Variants in CYB5RL observed in about 807,000 individuals in gnomAD.
CYB5RL encodes the protein cytochrome b5 reductase like, also known as NADH-cytochrome b5 reductase-like.
In CYB5RL, 38 loss-of-function variants were observed where a neutral mutation model predicts 37.5. The ratio of observed to expected loss-of-function variants is 1.01; its 90% CI spans 0.78 to 1.33. CYB5RL has a LOEUF of 1.33. CYB5RL is among the 40% of genes most tolerant of loss of function. CYB5RL has a pLI of 0.00. For missense variants in CYB5RL, 388 were observed against 394.4 expected (o/e 0.98, Z 0.14); for synonymous variants, 141 against 151.9 (o/e 0.93, Z 0.53).
intron 3 of CYB5RL, among the ~76,000 whole-genome samples, chr1:54,192,416 C>G (rs1479729604): frequency 6.6e-6 from 1 of 152,026 alleles, no homozygotes; most frequent in African/African-American, 2.4e-5. Context: ...AACTCCTGAC[C>G]TCAGGTGATC....
chr1:54,188,606 A>G (rs1362857168), intron 4 of CYB5RL, among the ~76,000 whole-genome samples: 1 of 152,224 alleles, frequency 6.6e-6, no homozygotes, highest in Non-Finnish European at 1.5e-5. Flanking sequence ...ACATGTATCA[A>G]GCATTTCATA....
At position 54,169,883 on chromosome 1, in the gene CYB5RL, G is replaced by C. The variant is rs1222080278; in HGVS notation, c.*4736C>G. The C allele has an allele frequency of 2.0e-5, 3 of 152,250 alleles. No individual in the cohort carries two copies. The highest frequency in any genetic ancestry group is 3.9e-4 in the East Asian group (2 of 5,186). The allele number at this position is 152,250 out of a possible 1,614,324, so 9.4% of individuals were successfully genotyped here. On this transcript the variant is annotated 3_prime_UTR_variant, in exon 8 of 8. Transcript: ENST00000534324. ...CAGGCCACCACTATCCTTGAAGCTGGTGTGTCTCTGTCTCTTCCTGAGCAT... is the reference window on the plus strand; with the variant it reads ...CAGGCCACCACTATCCTTGAAGCTGCTGTGTCTCTGTCTCTTCCTGAGCAT...
At chr1:54,180,203 C>G (rs1660122576) in intron 6 of CYB5RL, 4 of 405,924 alleles carry the variant, frequency 9.9e-6, no homozygotes, top group South Asian at 7.4e-5. Flanking sequence ...TGCCACTGCA[C>G]TCCAGCCTGG....
At chr1:54,176,604 T>C (rs936955041) in intron 7 of CYB5RL, among the ~76,000 whole-genome samples, 1 of 152,214 alleles carries the variant, frequency 6.6e-6, no homozygotes, top group Non-Finnish European at 1.5e-5. Context: ...TCCTCTCTGA[T>C]GATCTGGCAT....
Position 54,174,920 on chromosome 1 carries a change from A to T in CYB5RL, c.745-98T>A. ...CTCTGCAAAATGAGGAAACCAAGGC[A>T]GAGGGTGTAGGAAGCCAACCTATAT... On this transcript the variant is annotated intron_variant, in intron 7 of 7. Transcript: ENST00000534324. 4 of 1,342,764 alleles carry T rather than the reference A, an allele frequency of 3.0e-6. 1 individual carries two copies. The Admixed American group carries it at 8.0e-5, about 27-fold the overall frequency. 83.2% of individuals were successfully genotyped at this position (1,342,764 alleles called of 1,614,324 possible). A position where few individuals can be genotyped will look rare whatever the true frequency, so the allele number is the denominator to read the frequency against.
chr1:54,197,940 A>C (rs997685549), intron 1 of CYB5RL, among the ~76,000 whole-genome samples: 2 of 145,440 alleles, frequency 1.4e-5, no homozygotes, highest in South Asian at 4.5e-4. Flanking sequence ...AGGCAGGAGA[A>C]TGGCGTGAAC....
In CYB5RL at chr1:54,181,721, G is replaced by A. The variant is rs911308612; in HGVS notation, c.541-2369C>T. Among the ~76,000 whole-genome samples, 17 of 152,356 alleles carry A rather than the reference G, an allele frequency of 1.1e-4. 1 individual carries two copies. The highest frequency in any genetic ancestry group is 4.1e-4 in the African/African-American group (17 of 41,584). On this transcript the variant is annotated intron_variant, in intron 6 of 7. Coordinates refer to ENST00000534324, the MANE Select transcript of CYB5RL (RefSeq NM_001031672.4). ...AATCCCAGCACTTTGGGAGGCTGAC[G>A]TGGGAGGATCACTTGAGCCAAGGAG...
intron 4 of CYB5RL, 159 bp downstream of exon 4, chr1:54,190,589 G>T: frequency 1.2e-6 from 1 of 861,482 alleles, no homozygotes; most frequent in Non-Finnish European, 1.8e-6. Context: ...GCATTATCTA[G>T]TTCAATCCCA....
intron 7 of CYB5RL, among the ~76,000 whole-genome samples, chr1:54,177,197 C>T (rs556450897): frequency 2.6e-5 from 4 of 152,210 alleles, no homozygotes; most frequent in African/African-American, 9.6e-5. Flanking sequence ...CTGCAGGAGG[C>T]AGGACAAATC....
At chr1:54,188,477 T>A (rs1643922078) in intron 4 of CYB5RL, among the ~76,000 whole-genome samples, 1 of 152,198 alleles carries the variant, frequency 6.6e-6, no homozygotes, top group African/African-American at 2.4e-5. Context: ...ACTGGAAGGA[T>A]CCTCAAAGGG....
intron 3 of CYB5RL, among the ~76,000 whole-genome samples, chr1:54,192,848 T>C (rs919328262): frequency 3.3e-5 from 5 of 151,868 alleles, no homozygotes; most frequent in African/African-American, 1.2e-4. Flanking sequence ...CTCCACCTCC[T>C]GGTTCAAACA....
chr1:54,183,302 G>A (rs1048591557), intron 6 of CYB5RL, among the ~76,000 whole-genome samples: 15 of 152,168 alleles, frequency 9.9e-5, no homozygotes, highest in African/African-American at 3.4e-4. Flanking sequence ...ATGAACATAC[G>A]CAGAAGAGCC....
At chr1:54,182,709 C>T (rs1477121519) in intron 6 of CYB5RL, among the ~76,000 whole-genome samples, 1 of 152,148 alleles carries the variant, frequency 6.6e-6, no homozygotes, top group Non-Finnish European at 1.5e-5. Context: ...GCCACCATGC[C>T]TGGCTAGTAT....
chr1:54,194,968 G>A (rs1300480587), intron 3 of CYB5RL, among the ~76,000 whole-genome samples: 1 of 152,234 alleles, frequency 6.6e-6, no homozygotes, highest in East Asian at 1.9e-4. Context: ...TAAGGAGGAA[G>A]AAGTCAGTAA....
intron 4 of CYB5RL, among the ~76,000 whole-genome samples, chr1:54,188,178 A>G (rs1305964062): frequency 6.6e-6 from 1 of 152,226 alleles, no homozygotes; most frequent in African/African-American, 2.4e-5. Context: ...ACAGAAAAAA[A>G]AGAGTACTGG....
In CYB5RL at chr1:54,184,154, C is replaced by A. The variant is rs767529139; in HGVS notation, c.540+7G>T. On this transcript the variant is annotated splice_region_variant and intron_variant, in intron 6 of 7. Transcript: ENST00000534324. ...ATCTCCTGAAGATTTAAGGTGCTGG[C>A]ACTGACCTGGTTTGGTTTATAGAAG... 5 of 1,610,930 alleles carry A rather than the reference C, an allele frequency of 3.1e-6. No individual in the cohort carries two copies. The African/African-American group carries it at 4.0e-5, about 13-fold the overall frequency.
chr1:54,170,799 T>C lies in CYB5RL; in HGVS notation c.*3820A>G. 1 of 314,970 alleles carries C rather than the reference T, an allele frequency of 3.2e-6. No individual in the cohort carries two copies. The highest frequency in any genetic ancestry group is 6.3e-6 in the Non-Finnish European group (1 of 159,046). 19.5% of individuals were successfully genotyped at this position (314,970 alleles called of 1,614,324 possible). A position where few individuals can be genotyped will look rare whatever the true frequency, so the allele number is the denominator to read the frequency against. ...TCACATGCTGGAACTTGTGTATCCC[T>C]ACATGACCTTGGAAAATCGCTTGAA... is the stretch of plus-strand genomic sequence containing the variant. On this transcript the variant is annotated 3_prime_UTR_variant, in exon 8 of 8. Coordinates refer to ENST00000534324, the MANE Select transcript of CYB5RL (RefSeq NM_001031672.4).
intron 6 of CYB5RL, among the ~76,000 whole-genome samples, chr1:54,182,458 A>G (rs1557720473): frequency 6.6e-6 from 1 of 151,718 alleles, no homozygotes; most frequent in Middle Eastern, 3.4e-3. Context: ...AATGCCTGTG[A>G]GTGTTTTTTC....
At chr1:54,199,713 T>C (rs1570132139) in intron 1 of CYB5RL, among the ~76,000 whole-genome samples, 1 of 151,910 alleles carries the variant, frequency 6.6e-6, no homozygotes, top group African/African-American at 2.4e-5. Context: ...GGGGAAGAGG[T>C]GTACAGTGAG....
Sources: allele counts gnomAD v4.1 joint callset (sites outside exome capture counted in the v4.1 genomes callset), GRCh38; gene constraint gnomAD v4.1.1; transcripts MANE v1.5; gene names NCBI Gene and HGNC (gene_info 2026-07-23, HGNC 2026-07-21).